NTM: variants seen among roughly 807,000 people sequenced by gnomAD.
NTM encodes the protein neurotrimin.
NTM carries 13 observed loss-of-function variants against 42.1 expected under a neutral mutation model. That is an observed-to-expected ratio of 0.31 (90% CI 0.20 to 0.49). The LOEUF (loss-of-function observed/expected upper bound fraction) is 0.49. Ranked by LOEUF, NTM falls within the 20% of genes least tolerant of loss-of-function variation. The probability of loss-of-function intolerance (pLI) is 0.99; values close to 1 mark genes in which losing one functional copy is unlikely to be tolerated. For missense variants in NTM, 373 were observed against 452.8 expected, an observed-to-expected ratio of 0.82 and a Z score of 1.60; for synonymous variants, 187 against 179.2, an observed-to-expected ratio of 1.04 and a Z score of -0.35.
chr11:131,569,773 G>C (rs148563956), intron 1 of NTM, among the ~76,000 whole-genome samples: 8 of 152,074 alleles, frequency 5.3e-5, no homozygotes, highest in African/African-American at 1.7e-4. Context: ...GTAGACACTG[G>C]TCTTGCTACA....
intron 1 of NTM, among the ~76,000 whole-genome samples, chr11:131,834,625 CAT>C (rs10604283): frequency 0.13 from 17,615 of 133,906 alleles, 1,493 homozygotes; most frequent in African/African-American, 0.24. Context: ...TATACATATA[CAT>C]ATATATATAT....
chr11:132,111,833 A>G (rs1327484062), intron 2 of NTM, among the ~76,000 whole-genome samples: 1 of 152,260 alleles, frequency 6.6e-6, no homozygotes, highest in Non-Finnish European at 1.5e-5. Flanking sequence ...ATCTGTCTCC[A>G]TAATCCTGGT....
At chr11:131,508,292 C>G (rs1488000879) in intron 1 of NTM, among the ~76,000 whole-genome samples, 2 of 145,660 alleles carry the variant, frequency 1.4e-5, no homozygotes, top group African/African-American at 2.6e-5. Context: ...AAATGCTCAT[C>G]ATCACTGGCC....
chr11:131,476,179 T>C (rs2136206594), intron 1 of NTM, among the ~76,000 whole-genome samples: 1 of 152,344 alleles, frequency 6.6e-6, no homozygotes, highest in African/African-American at 2.4e-5. Flanking sequence ...CCATTTTATG[T>C]TCTTGCCTAG....
intron 1 of NTM, among the ~76,000 whole-genome samples, chr11:131,593,631 C>T (rs2059573914): frequency 6.6e-6 from 1 of 152,232 alleles, no homozygotes; most frequent in African/African-American, 2.4e-5. Flanking sequence ...GATGAGAAAA[C>T]TGAACCCAAG....
intron 2 of NTM, among the ~76,000 whole-genome samples, chr11:131,965,790 C>G (rs2062760231): frequency 1.3e-5 from 2 of 152,122 alleles, no homozygotes; most frequent in African/African-American, 2.4e-5. Context: ...GGACTATCAG[C>G]TAATTGAAGG....
intron 2 of NTM, among the ~76,000 whole-genome samples, chr11:132,062,975 T>A (rs2080911298): frequency 6.6e-6 from 1 of 152,188 alleles, no homozygotes; most frequent in Admixed American, 6.5e-5. Context: ...TGTTTTAGAC[T>A]TTTTGGGCTC....
intron 1 of NTM, among the ~76,000 whole-genome samples, chr11:131,503,400 A>G (rs1482369503): frequency 6.6e-6 from 1 of 152,148 alleles, no homozygotes; most frequent in South Asian, 2.1e-4. Flanking sequence ...GCAGTAATGT[A>G]AGAAGTGAGG....
intron 4 of NTM, among the ~76,000 whole-genome samples, chr11:132,223,739 C>G (rs994436075): frequency 6.6e-6 from 1 of 152,178 alleles, no homozygotes; most frequent in Non-Finnish European, 1.5e-5. Flanking sequence ...AGTACTTGAG[C>G]AAGCATGCTG....
chr11:132,050,429 T>C (rs188760437), intron 2 of NTM, among the ~76,000 whole-genome samples: 59 of 152,066 alleles, frequency 3.9e-4, no homozygotes, highest in Non-Finnish European at 6.6e-4. Flanking sequence ...CCTAACAAAG[T>C]TGGGGGGAAA....
At chr11:132,176,722 G>GTT (rs148699196) in intron 3 of NTM, among the ~76,000 whole-genome samples, 877 of 81,968 alleles carry the variant, frequency 0.011, 93 homozygotes, top group African/African-American at 0.035. Context: ...CATGCCTAAA[G>GTT]TTTTTTTTTT....
intron 1 of NTM, chr11:131,771,776 C>G (rs1294180035): frequency 1.3e-5 from 2 of 152,136 alleles, no homozygotes; most frequent in Admixed American, 6.5e-5. Context: ...ATTTCTGAGA[C>G]AGTCAGGTTG....
At chr11:132,240,077 C>G (rs915821315) in intron 4 of NTM, among the ~76,000 whole-genome samples, 33 of 152,134 alleles carry the variant, frequency 2.2e-4, no homozygotes, top group African/African-American at 7.7e-4. Context: ...GTCCATCCAT[C>G]CATCCATCCA....
intron 4 of NTM, among the ~76,000 whole-genome samples, chr11:132,259,248 C>A (rs1006506202): frequency 6.6e-6 from 1 of 151,942 alleles, no homozygotes; most frequent in Admixed American, 6.6e-5. Context: ...TTGGAAAGAG[C>A]CTTAAATTCC....
At chr11:132,312,081 C>G (rs1164834276) in intron 6 of NTM, among the ~76,000 whole-genome samples, 1 of 152,162 alleles carries the variant, frequency 6.6e-6, no homozygotes, top group Non-Finnish European at 1.5e-5. Context: ...TTCCAGTGTG[C>G]TGGCATGAGA....
Position 131,609,462 on chromosome 11 carries a change from C to T in NTM, c.82+238574C>T, listed in dbSNP as rs186884122. The stretch of plus-strand genomic sequence containing the variant: ...TGGAAGCTGTGACCTAAGCCTTCTC[C>T]ATCTCTTATTTCAATTTCCCCATGT... On this transcript the variant is annotated intron_variant, in intron 1 of 8. Transcript: ENST00000683400. Among the ~76,000 whole-genome samples the T allele has an allele frequency of 8.6e-4, 131 of 152,310 alleles. 1 individual carries two copies. The highest frequency in any genetic ancestry group is 3.1e-3 in the African/African-American group (129 of 41,578).
At chr11:131,782,117 GA>G (rs1166286772) in intron 1 of NTM, among the ~76,000 whole-genome samples, 1 of 152,124 alleles carries the variant, frequency 6.6e-6, no homozygotes, top group African/African-American at 2.4e-5. Flanking sequence ...TTTATTATTT[GA>G]AAAGATCAGG....
chr11:132,237,661 C>A (rs2089296199), intron 4 of NTM, among the ~76,000 whole-genome samples: 1 of 152,064 alleles, frequency 6.6e-6, no homozygotes, highest in Non-Finnish European at 1.5e-5. Context: ...TAGTCCCTCT[C>A]TCTGGAACCC....
chr11:132,220,883 A>G (rs1338376175), intron 4 of NTM, among the ~76,000 whole-genome samples: 7 of 152,182 alleles, frequency 4.6e-5, no homozygotes, highest in African/African-American at 9.7e-5. Flanking sequence ...GGTAGCCCCT[A>G]CAGGGCAGGA....
Sources: allele counts gnomAD v4.1 joint callset (sites outside exome capture counted in the v4.1 genomes callset), GRCh38; gene constraint gnomAD v4.1.1; transcripts MANE v1.5; gene names NCBI Gene and HGNC (gene_info 2026-07-23, HGNC 2026-07-21).